The following JARID2 variants were observed in gnomAD, a reference collection of about 807,000 sequenced individuals.
The protein encoded by JARID2 is jumonji and AT-rich interaction domain containing 2.
JARID2 carries 21 observed loss-of-function variants against 125.6 expected under a neutral mutation model. The ratio of observed to expected loss-of-function variants is 0.17; its 90% CI spans 0.12 to 0.24. JARID2 has a LOEUF of 0.24. Ranked by LOEUF, JARID2 falls within the 10% of genes least tolerant of loss-of-function variation. JARID2 has a pLI of 1.00. For synonymous variants in JARID2, 736 were observed against 661.6 expected, an observed-to-expected ratio of 1.11 and a Z score of -1.73; for missense variants, 1,303 against 1,639.6, an observed-to-expected ratio of 0.79 and a Z score of 3.55.
intron 1 of JARID2, among the ~76,000 whole-genome samples, chr6:15,258,509 C>T (rs750627609): frequency 9.2e-5 from 14 of 152,166 alleles, no homozygotes; most frequent in South Asian, 2.1e-4. Flanking sequence ...TATAGCCGGA[C>T]GTGGTGGCTC....
At chr6:15,442,103 G>T in intron 3 of JARID2, among the ~76,000 whole-genome samples, 1 of 149,292 alleles carries the variant, frequency 6.7e-6, no homozygotes, top group African/African-American at 2.5e-5. Flanking sequence ...TATTTCTCTT[G>T]CATTTTGAAA....
intron 3 of JARID2, among the ~76,000 whole-genome samples, chr6:15,412,326 G>A (rs1765913252): frequency 6.6e-6 from 1 of 152,052 alleles, no homozygotes; most frequent in African/African-American, 2.4e-5. Context: ...GGGGTTGAGG[G>A]AGACAAGAGT....
intron 3 of JARID2, among the ~76,000 whole-genome samples, chr6:15,411,354 G>A (rs1765867757): frequency 6.6e-6 from 1 of 151,988 alleles, no homozygotes; most frequent in Non-Finnish European, 1.5e-5. Flanking sequence ...CTGTTTTCAG[G>A]ACTGAAAGTT....
intron 2 of JARID2, among the ~76,000 whole-genome samples, chr6:15,406,307 G>A (rs865884595): frequency 6.6e-6 from 1 of 152,134 alleles, no homozygotes; most frequent in Admixed American, 6.5e-5. Flanking sequence ...GGTAGCGAAC[G>A]CCTATAGTCC....
At chr6:15,514,801 A>G (rs1771466316) in intron 16 of JARID2, among the ~76,000 whole-genome samples, 1 of 152,132 alleles carries the variant, frequency 6.6e-6, no homozygotes, top group South Asian at 2.1e-4. Flanking sequence ...AACTGCAGTC[A>G]CAGCTGAGAT....
chr6:15,251,494 G>A (rs900309481), intron 1 of JARID2, among the ~76,000 whole-genome samples: 1 of 152,188 alleles, frequency 6.6e-6, no homozygotes. Flanking sequence ...TACCCATCCT[G>A]CTTGCCCTGT....
chr6:15,378,023 T>TG (rs998221465), intron 2 of JARID2, among the ~76,000 whole-genome samples: 1 of 151,722 alleles, frequency 6.6e-6, no homozygotes, highest in African/African-American at 2.4e-5. Context: ...TAGCTGGGAT[T>TG]ACAGACACGC....
At chr6:15,351,248 T>C (rs1239975860) in intron 1 of JARID2, among the ~76,000 whole-genome samples, 1 of 152,070 alleles carries the variant, frequency 6.6e-6, no homozygotes, top group Non-Finnish European at 1.5e-5. Flanking sequence ...AATGCTCTAA[T>C]AGGGTCTGGT....
At chr6:15,417,264 C>T (rs1171105446) in intron 3 of JARID2, among the ~76,000 whole-genome samples, 3 of 152,074 alleles carry the variant, frequency 2.0e-5, no homozygotes, top group Non-Finnish European at 2.9e-5. Context: ...TGTGTGACTT[C>T]TCATTATATC....
chr6:15,296,907 A>G (rs914937333), intron 1 of JARID2, among the ~76,000 whole-genome samples: 1 of 152,210 alleles, frequency 6.6e-6, no homozygotes, highest in African/African-American at 2.4e-5. Context: ...TGCAGTATTC[A>G]TAGCACCTCA....
chr6:15,380,643 G>A (rs17576233), intron 2 of JARID2, among the ~76,000 whole-genome samples: 13,344 of 152,208 alleles, frequency 0.088, 764 homozygotes, highest in South Asian at 0.16. Flanking sequence ...ACCAGTATTG[G>A]AAGCGCAGAT....
At chr6:15,511,429 C>CTCCTGCTGG in intron 13 of JARID2, 28 bp downstream of exon 13, 4 of 1,509,646 alleles carry the variant, frequency 2.6e-6, no homozygotes, top group Non-Finnish European at 3.7e-6. Flanking sequence ...CCGCCTCCAG[C>CTCCTGCTGG]AGGAGCTGTA....
chr6:15,363,979 G>A (rs770612373), intron 1 of JARID2, among the ~76,000 whole-genome samples: 1 of 152,170 alleles, frequency 6.6e-6, no homozygotes, highest in South Asian at 2.1e-4. Flanking sequence ...GAGTTTATTT[G>A]TAGACTTTCT....
intron 1 of JARID2, among the ~76,000 whole-genome samples, chr6:15,287,547 C>T (rs1307424918): frequency 1.3e-5 from 2 of 152,078 alleles, no homozygotes; most frequent in African/African-American, 4.8e-5. Flanking sequence ...TGGTGTGTGG[C>T]GTATATTCAA....
rs1430658062 is a variant in JARID2 at position 15,246,264 on chromosome 6, A to G, written c.-276A>G. On this transcript the variant is annotated 5_prime_UTR_variant, in exon 1 of 18. It removes an upstream start codon present in the reference 5' UTR. Coordinates refer to ENST00000341776, the MANE Select transcript of JARID2 (RefSeq NM_004973.4). ...TCGGTTTTTTTTTGTGTGTGTGTGT[A>G]TGTGTTTCGGGGGAAATTTTCCATT... 3 of 495,952 alleles carry G rather than the reference A, an allele frequency of 6.0e-6. No individual in the cohort carries two copies. The highest frequency in any genetic ancestry group is 3.8e-5 in the Admixed American group (1 of 26,156). 30.7% of individuals were successfully genotyped at this position (495,952 alleles called of 1,614,324 possible).
intron 5 of JARID2, among the ~76,000 whole-genome samples, chr6:15,482,467 A>G (rs1432618678): frequency 6.6e-6 from 1 of 152,276 alleles, no homozygotes; most frequent in Non-Finnish European, 1.5e-5. Context: ...GTTACGTGTT[A>G]AACACATATA....
rs531090224 is a variant in JARID2 at position 15,487,232 on chromosome 6, G to A, written c.671-75G>A. ...CATGAGATTTGGGTGGGGACACAGA[G>A]CCAAACCATATCAGTAGTTTGCGTG... On this transcript the variant is annotated intron_variant, in intron 5 of 17. Transcript: ENST00000341776. The A allele has an allele frequency of 5.4e-6, 7 of 1,288,898 alleles. No individual in the cohort carries two copies. The African/African-American group carries it at 5.9e-5, about 11-fold the overall frequency. 79.8% of individuals were successfully genotyped at this position (1,288,898 alleles called of 1,614,324 possible). A position where few individuals can be genotyped will look rare whatever the true frequency, so the allele number is the denominator to read the frequency against.
rs948068572 is a variant in JARID2 at position 15,402,378 on chromosome 6, C to T, written c.182-7846C>T. Among the ~76,000 whole-genome samples the T allele has an allele frequency of 3.3e-5, 5 of 152,196 alleles. No homozygotes were observed. The East Asian group carries it at 9.6e-4, about 29-fold the overall frequency. On this transcript the variant is annotated intron_variant, in intron 2 of 17. Coordinates refer to ENST00000341776, the MANE Select transcript of JARID2 (RefSeq NM_004973.4). ...AGCTTTAGAGACCTAAGTACATACA[C>T]ACTTGTAATTACTTGAAGGTAGAAG... is the stretch of plus-strand genomic sequence containing the variant.
At chr6:15,423,812 G>A (rs996325614) in intron 3 of JARID2, among the ~76,000 whole-genome samples, 1 of 152,196 alleles carries the variant, frequency 6.6e-6, no homozygotes, top group African/African-American at 2.4e-5. Context: ...GGGAAGAGGT[G>A]TGAACATGTG....
Sources: allele counts gnomAD v4.1 joint callset (sites outside exome capture counted in the v4.1 genomes callset), GRCh38; gene constraint gnomAD v4.1.1; transcripts MANE v1.5; gene names NCBI Gene and HGNC (gene_info 2026-07-23, HGNC 2026-07-21).